The following ULK4 variants were observed in gnomAD, a reference collection of about 807,000 sequenced individuals.
ULK4 encodes the protein inactive serine/threonine-protein kinase ULK4.
Under a neutral mutation model 160.6 loss-of-function variants are expected in ULK4, and 133 were observed. The observed-to-expected ratio is 0.83, with a 90% CI of 0.72 to 0.96. ULK4 has a LOEUF of 0.96. Among genes scored for constraint, ULK4 ranks in the 40% least tolerant of loss-of-function variants. The pLI, the probability that ULK4 is intolerant of heterozygous loss-of-function variation, is 0.00. For synonymous variants in ULK4, 534 were observed against 539.8 expected (o/e 0.99, Z 0.15); for missense variants, 1,580 against 1,499.5 (o/e 1.05, Z -0.89).
chr3:41,774,865 C>T (rs1456095885), intron 21 of ULK4, among the ~76,000 whole-genome samples: 1 of 150,468 alleles, frequency 6.6e-6, no homozygotes, highest in Non-Finnish European at 1.5e-5. Flanking sequence ...AAATGTGGCA[C>T]ATATACACCA....
intron 35 of ULK4, among the ~76,000 whole-genome samples, chr3:41,261,602 C>T (rs1005574718): frequency 5.3e-5 from 8 of 152,190 alleles, no homozygotes; most frequent in African/African-American, 7.2e-5. Context: ...GTATAAATGG[C>T]TTGCACTGCT....
At chr3:41,910,708 TTAA>T (rs1372806894) in intron 11 of ULK4, among the ~76,000 whole-genome samples, 2 of 152,174 alleles carry the variant, frequency 1.3e-5, no homozygotes, top group Admixed American at 6.6e-5. Context: ...CTTCAAAGCA[TTAA>T]CAACAACAAC....
At chr3:41,881,610 A>G (rs1575878027) in intron 17 of ULK4, among the ~76,000 whole-genome samples, 1 of 152,208 alleles carries the variant, frequency 6.6e-6, no homozygotes, top group African/African-American at 2.4e-5. Flanking sequence ...TTATTATACA[A>G]GCTCTCTATT....
chr3:41,869,466 A>G (rs1183447979), intron 17 of ULK4, among the ~76,000 whole-genome samples: 3 of 152,132 alleles, frequency 2.0e-5, no homozygotes, highest in Non-Finnish European at 4.4e-5. Flanking sequence ...CTGTAATCCC[A>G]GTTACTCGGG....
intron 33 of ULK4, among the ~76,000 whole-genome samples, chr3:41,456,223 C>T (rs751390907): frequency 1.3e-5 from 2 of 152,146 alleles, no homozygotes; most frequent in African/African-American, 4.8e-5. Flanking sequence ...AGTGCTTTAT[C>T]TTAACCATCC....
At chr3:41,806,072 C>A (rs2040632944) in intron 19 of ULK4, among the ~76,000 whole-genome samples, 2 of 143,640 alleles carry the variant, frequency 1.4e-5, no homozygotes, top group African/African-American at 2.6e-5. Context: ...CCAGTTCCTC[C>A]TTGTACCTCT....
intron 32 of ULK4, among the ~76,000 whole-genome samples, chr3:41,537,706 G>T (rs1482413724): frequency 1.3e-5 from 2 of 152,166 alleles, no homozygotes; most frequent in African/African-American, 4.8e-5. Context: ...TCCAGAAAAA[G>T]TGTTCTCATT....
At chr3:41,669,316 G>A (rs1297347981) in intron 29 of ULK4, among the ~76,000 whole-genome samples, 1 of 152,176 alleles carries the variant, frequency 6.6e-6, no homozygotes, top group Non-Finnish European at 1.5e-5. Context: ...CAAGATCGTA[G>A]CTCACTGCAG....
In ULK4 at chr3:41,805,461, T is replaced by C. The variant is rs140657087; in HGVS notation, c.1849-5168A>G. On this transcript the variant is annotated intron_variant, in intron 19 of 36. Coordinates refer to ENST00000301831, the MANE Select transcript of ULK4 (RefSeq NM_017886.4). The stretch of plus-strand genomic sequence containing the variant: ...CAATTTGACTTCCTCTTTTCCTAAT[T>C]GAATATCTTTTATTTCCTTCTCCTG... Among the ~76,000 whole-genome samples the C allele has an allele frequency of 3.6e-3, 543 of 152,316 alleles. 5 individuals are homozygous for C. The highest frequency in any genetic ancestry group is 4.4e-3 in the Non-Finnish European group (302 of 68,034).
intron 14 of ULK4, among the ~76,000 whole-genome samples, chr3:41,897,274 C>T (rs1698192447): frequency 6.6e-6 from 1 of 152,116 alleles, no homozygotes; most frequent in Non-Finnish European, 1.5e-5. Flanking sequence ...GTCCCACAAC[C>T]TACACTATAA....
intron 22 of ULK4, among the ~76,000 whole-genome samples, chr3:41,735,713 T>TATTATC (rs1463455188): frequency 6.7e-6 from 1 of 150,334 alleles, no homozygotes; most frequent in African/African-American, 2.4e-5. Flanking sequence ...TTATTATTAT[T>TATTATC]ATACTTTAAG....
chr3:41,569,798 T>C (rs569101297), intron 31 of ULK4, among the ~76,000 whole-genome samples: 1 of 148,486 alleles, frequency 6.7e-6, no homozygotes, highest in Admixed American at 6.8e-5. Flanking sequence ...ATTTTTTTTT[T>C]GAGTTAGTCA....
intron 35 of ULK4, among the ~76,000 whole-genome samples, chr3:41,369,433 G>A (rs2081317714): frequency 6.6e-6 from 1 of 151,784 alleles, no homozygotes; most frequent in Admixed American, 6.6e-5. Context: ...GGTCAAGGCT[G>A]CAGTAAGCTG....
chr3:41,862,795 C>A (rs535245564), intron 17 of ULK4, among the ~76,000 whole-genome samples: 4 of 150,838 alleles, frequency 2.7e-5, no homozygotes, highest in South Asian at 2.1e-4. Context: ...CCGCTCCCCC[C>A]CCCCTTTCTC....
In ULK4 at chr3:41,931,962, G is replaced by C. The variant is rs772110125; in HGVS notation, c.423C>G (p.Cys141Trp). The change falls in exon 5 of 37, where the codon TGC becomes TGG. Residue 141 changes from cysteine (C) to tryptophan (W), a missense_variant. By Grantham distance (215) the Cys-to-Trp change is radical. Coordinates refer to ENST00000301831, the MANE Select transcript of ULK4 (RefSeq NM_017886.4). ...AATTTTCACCTTCCACTTTTGCCAA[G>C]CAAAAGTTGCTAAACTTCAGTGTGC... Reference protein sequence around the residue: ...GPGTLKFSNFCLAKVEGENLE... With the variant: ...GPGTLKFSNFWLAKVEGENLE... 1 of 1,613,756 alleles carries C rather than the reference G, an allele frequency of 6.2e-7. No homozygotes were observed. Among genetic ancestry groups the C allele is most frequent in the African/African-American group, 1.3e-5 (1 of 74,846 alleles).
intron 32 of ULK4, among the ~76,000 whole-genome samples, chr3:41,481,964 T>TTGTTG (rs1559636081): frequency 6.6e-6 from 1 of 151,972 alleles, no homozygotes; most frequent in East Asian, 1.9e-4. Flanking sequence ...TATGATTTTT[T>TTGTTG]TTGTTGTTGT....
intron 30 of ULK4, among the ~76,000 whole-genome samples, chr3:41,616,756 G>A (rs545935112): frequency 1.3e-5 from 2 of 152,166 alleles, no homozygotes; most frequent in Non-Finnish European, 2.9e-5. Context: ...TTTCATACCC[G>A]GCAGCACCTG....
chr3:41,662,402 T>C (rs1293488454), intron 30 of ULK4, among the ~76,000 whole-genome samples: 2 of 152,210 alleles, frequency 1.3e-5, no homozygotes, highest in Non-Finnish European at 2.9e-5. Context: ...GCCCCAGCAC[T>C]GTATAACCCA....
At chr3:41,823,302 G>C (rs1329634912) in intron 18 of ULK4, among the ~76,000 whole-genome samples, 1 of 152,216 alleles carries the variant, frequency 6.6e-6, no homozygotes, top group Non-Finnish European at 1.5e-5. Flanking sequence ...GGGGAGGTCA[G>C]TATAGCTGGA....
Sources: gnomAD v4.1 joint callset for allele counts (sites outside exome capture counted in the v4.1 genomes callset) on GRCh38, gnomAD v4.1.1 for gene constraint, MANE v1.5 for transcripts, NCBI Gene and HGNC (gene_info 2026-07-23, HGNC 2026-07-21) for gene names.